The following EMC1 variants were observed in gnomAD, a reference collection of about 807,000 sequenced individuals.
EMC1 encodes ER membrane protein complex subunit 1.
A neutral mutation model predicts 128.8 loss-of-function variants in EMC1; 103 were observed. That is an observed-to-expected ratio of 0.80 (90% CI 0.68 to 0.94). EMC1 has a LOEUF of 0.94. Among genes scored for constraint, EMC1 ranks in the 40% least tolerant of loss-of-function variants. The pLI is 0.00. For synonymous variants in EMC1, 442 were observed against 490.4 expected, an observed-to-expected ratio of 0.90 and a Z score of 1.30; for missense variants, 1,083 against 1,250.6, an observed-to-expected ratio of 0.87 and a Z score of 2.02.
chr1:19,229,982 G>C (rs1034036185), intron 17 of EMC1, among the ~76,000 whole-genome samples: 1 of 152,206 alleles, frequency 6.6e-6, no homozygotes, highest in Non-Finnish European at 1.5e-5. Context: ...CTGTTTGTGA[G>C]TACACACCAC....
chr1:19,248,760 C>G (rs1168727678), intron 1 of EMC1, among the ~76,000 whole-genome samples: 4 of 152,214 alleles, frequency 2.6e-5, no homozygotes, highest in Non-Finnish European at 5.9e-5. Context: ...ATCCACCCAC[C>G]TCAGCCTCCC....
chr1:19,219,332 C>A lies in EMC1; in HGVS notation c.2953G>T (p.Val985Leu). The A allele has an allele frequency of 1.2e-6, 2 of 1,614,084 alleles. No individual in the cohort carries two copies. Among genetic ancestry groups the A allele is most frequent in the East Asian group, 4.5e-5 (2 of 44,858 alleles). ...CGCCAGGCCCGATTCAGGAGCTTCA[C>A]CTGTGCCAGTCTCTTAGTGATCATG... is the stretch of plus-strand genomic sequence containing the variant. ...ATMITKRLAQVKLLNRAWR is the reference protein window; with the variant it reads ...ATMITKRLAQLKLLNRAWR Residue 985 changes from valine to leucine, a missense_variant, in exon 23 of 23, where the codon GTG becomes TTG. Coordinates refer to ENST00000477853, the MANE Select transcript of EMC1 (RefSeq NM_015047.3).
At chr1:19,233,387 A>G (rs1212816307) in intron 13 of EMC1, among the ~76,000 whole-genome samples, 1 of 152,154 alleles carries the variant, frequency 6.6e-6, no homozygotes, top group Non-Finnish European at 1.5e-5. Context: ...GGAATAGGAG[A>G]CTAAGAGGTC....
chr1:19,224,617 C>A (rs983481200), intron 18 of EMC1, among the ~76,000 whole-genome samples: 1 of 152,232 alleles, frequency 6.6e-6, no homozygotes, highest in Non-Finnish European at 1.5e-5. Flanking sequence ...CCATCAGCAC[C>A]TGGATGACCC....
intron 18 of EMC1, among the ~76,000 whole-genome samples, chr1:19,224,772 G>A (rs542817986): frequency 2.0e-5 from 3 of 152,322 alleles, no homozygotes; most frequent in South Asian, 2.1e-4. Flanking sequence ...TGAAGGCCAC[G>A]GTGGTGGCCT....
At chr1:19,219,839 A>C in intron 21 of EMC1, 141 bp from the exon 22 acceptor site, 1 of 845,822 alleles carries the variant, frequency 1.2e-6, no homozygotes, top group Non-Finnish European at 1.8e-6. Flanking sequence ...TTAGGTAGTT[A>C]AAAATTTAGC....
intron 15 of EMC1, among the ~76,000 whole-genome samples, chr1:19,231,747 A>G (rs57273965): frequency 0.19 from 28,978 of 152,024 alleles, 3,574 homozygotes; most frequent in African/African-American, 0.34. Context: ...CAACCTCCCA[A>G]GTAGCTGGGA....
In EMC1 at chr1:19,238,855, C is replaced by T. The variant is rs199512498; in HGVS notation, c.1029G>A (p.Gln343=). Residue 343 remains glutamine (Q), a splice_region_variant and synonymous_variant, in exon 10 of 23, where the codon CAG becomes CAA. Coordinates refer to ENST00000477853, the MANE Select transcript of EMC1 (RefSeq NM_015047.3). ...ACCCATCTTCAGAACTGCTACTTTTCTGCTATGAGAAAGAGAAGGACAGGA... is the reference window on the plus strand; with the variant it reads ...ACCCATCTTCAGAACTGCTACTTTTTTGCTATGAGAAAGAGAAGGACAGGA... ...AAVMACRNEV[Q]KSSSSEDGSM... 4 of 1,599,484 alleles carry T rather than the reference C, an allele frequency of 2.5e-6. No homozygotes were observed. In the East Asian group the frequency reaches 8.9e-5, roughly 36 times the overall value.
At position 19,240,119 on chromosome 1, in the gene EMC1, C is replaced by T. The variant is rs942340098; in HGVS notation, c.787-134G>A. ...GCAGGTGGCTCCAAATGCTCCAGTT[C>T]AAGTTCCCCAAAGAGGAAAGTGACT... On this transcript the variant is annotated intron_variant, in intron 7 of 22. Transcript: ENST00000477853. 6.6e-6 allele frequency: 8 copies of T among 1,206,964 alleles called. No individual in the cohort carries two copies. The Admixed American group carries it at 1.8e-4, about 28-fold the overall frequency. 74.8% of individuals were successfully genotyped at this position (1,206,964 alleles called of 1,614,324 possible). A position where few individuals can be genotyped will look rare whatever the true frequency, so the allele number is the denominator to read the frequency against.
chr1:19,225,011 C>T (rs927873141), intron 18 of EMC1, among the ~76,000 whole-genome samples: 3 of 152,230 alleles, frequency 2.0e-5, no homozygotes, highest in African/African-American at 7.2e-5. Flanking sequence ...ACCCGACTTA[C>T]ACTGTACCTG....
At chr1:19,228,207 A>C (rs1274074098) in intron 17 of EMC1, among the ~76,000 whole-genome samples, 1 of 111,610 alleles carries the variant, frequency 9.0e-6, no homozygotes, top group Non-Finnish European at 2.1e-5. Flanking sequence ...CTCCGGCTCA[A>C]AAAAAAAAAA....
At chr1:19,223,315 C>A in intron 19 of EMC1, 81 bp downstream of exon 19, 1 of 1,320,302 alleles carries the variant, frequency 7.6e-7, no homozygotes, top group Non-Finnish European at 1.1e-6. Context: ...AAAACCAAAG[C>A]AGCAACTGGG....
Position 19,218,605 on chromosome 1 carries a change from AAC to A in EMC1, c.*696_*697del, listed in dbSNP as rs2093408803. 6.6e-6 allele frequency: 1 copy of A among 152,228 alleles called. No individual in the cohort carries two copies. Among genetic ancestry groups the A allele is most frequent in the African/African-American group, 2.4e-5 (1 of 41,444 alleles). 9.4% of individuals were successfully genotyped at this position (152,228 alleles called of 1,614,324 possible). ...TGAAAAGTATAGGCAATGGGCAACA[AAC>A]AAGACGCTAGTATGCACTTGGCTTC... On this transcript the variant is annotated 3_prime_UTR_variant, in exon 23 of 23. Transcript: ENST00000477853.
At chr1:19,220,644 C>T in intron 21 of EMC1, 120 bp downstream of exon 21, 1 of 702,178 alleles carries the variant, frequency 1.4e-6, no homozygotes. Context: ...GACTTGCCCC[C>T]TGCTACATCC....
chr1:19,234,055 AAC>A (rs139880093), intron 13 of EMC1: 3,725 of 271,824 alleles, frequency 0.014, 1 homozygote, highest in Non-Finnish European at 0.019. Context: ...CATGGCAGTC[AAC>A]ACACACACAC....
At chr1:19,227,516 G>C (rs1294044870) in intron 17 of EMC1, 66 bp from the exon 18 acceptor site, 3 of 1,581,718 alleles carry the variant, frequency 1.9e-6, no homozygotes, top group East Asian at 4.5e-5. Context: ...GCTGGAGTTA[G>C]ACACATCCTA....
chr1:19,244,820 T>C (rs1484082546), intron 2 of EMC1, 86 bp downstream of exon 2: 15 of 1,520,168 alleles, frequency 9.9e-6, no homozygotes, highest in Non-Finnish European at 1.4e-5. Context: ...ACATGTTCCT[T>C]ATTCAGGAAT....
chr1:19,226,111 C>T (rs180810766), intron 18 of EMC1, among the ~76,000 whole-genome samples: 1 of 152,278 alleles, frequency 6.6e-6, no homozygotes, highest in Non-Finnish European at 1.5e-5. Context: ...TTCTATGACA[C>T]CCCCTCCAAT....
rs767659186 is a variant in EMC1, at chr1:19,243,721, G to T, written c.287-14C>A. ...CAGTGATCACATCTGGAAAAGAAAA[G>T]ATCGTGGTGAAGTCATTTCCCACTT... On this transcript the variant is annotated splice_polypyrimidine_tract_variant and intron_variant, in intron 3 of 22. Coordinates refer to ENST00000477853, the MANE Select transcript of EMC1 (RefSeq NM_015047.3). 9.9e-6 allele frequency: 16 copies of T among 1,613,390 alleles called. No individual in the cohort carries two copies. Among genetic ancestry groups the T allele is most frequent in the Non-Finnish European group, 4.2e-6 (5 of 1,179,404 alleles).
Sources: gnomAD v4.1 joint callset for allele counts (sites outside exome capture counted in the v4.1 genomes callset) on GRCh38, gnomAD v4.1.1 for gene constraint, MANE v1.5 for transcripts, NCBI Gene and HGNC (gene_info 2026-07-23, HGNC 2026-07-21) for gene names.